B3GAT2: variants seen among roughly 807,000 people sequenced by gnomAD.
The protein encoded by B3GAT2 is galactosylgalactosylxylosylprotein 3-beta-glucuronosyltransferase 2.
B3GAT2 carries 26 observed loss-of-function variants against 27.8 expected under a neutral mutation model. The ratio of observed to expected loss-of-function variants is 0.93; its 90% CI spans 0.68 to 1.30. The LOEUF (loss-of-function observed/expected upper bound fraction) is 1.30. Ranked by LOEUF, B3GAT2 falls within the 50% of genes most tolerant of loss-of-function variation. B3GAT2 has a pLI of 0.00. For synonymous variants in B3GAT2, 218 were observed against 195.1 expected, an observed-to-expected ratio of 1.12 and a Z score of -0.98; for missense variants, 458 against 459.0, an observed-to-expected ratio of 1.00 and a Z score of 0.02.
intron 1 of B3GAT2, among the ~76,000 whole-genome samples, chr6:70,929,381 T>A (rs1205178099): frequency 1.3e-5 from 2 of 152,134 alleles, no homozygotes; most frequent in Non-Finnish European, 2.9e-5. Flanking sequence ...ATAAAAGCTA[T>A]TCAATCACGA....
Position 70,956,512 on chromosome 6 carries a change from C to T in B3GAT2, c.-83G>A. 6.5e-7 allele frequency: 1 copy of T among 1,538,446 alleles called. No homozygotes were observed. ...GTGCGCAGCTTGGACAGCGGCGGCG[C>T]CAGCACTTAGGGAGTGGTGATGGGT... On this transcript the variant is annotated 5_prime_UTR_variant, in exon 1 of 4. Coordinates refer to ENST00000230053, the MANE Select transcript of B3GAT2 (RefSeq NM_080742.3).
chr6:70,860,424 T>TTTTTC lies in B3GAT2; in HGVS notation c.*1234_*1238dup, dbSNP rs1771666599. The TTTTTC allele has an allele frequency of 4.8e-6, 7 of 1,468,944 alleles. No individual in the cohort carries two copies. The highest frequency in any genetic ancestry group is 6.4e-6 in the Non-Finnish European group (7 of 1,095,814). 91.0% of individuals were successfully genotyped at this position (1,468,944 alleles called of 1,614,324 possible). On this transcript the variant is annotated 3_prime_UTR_variant, in exon 4 of 4. Coordinates refer to ENST00000230053, the MANE Select transcript of B3GAT2 (RefSeq NM_080742.3). The stretch of plus-strand genomic sequence containing the variant: ...CCCCTGTTTATTCATATGCATATTT[T>TTTTTC]TTTTCTTTTTACCCATTTGTTCATA...
At chr6:70,924,355 C>T (rs958125779) in intron 1 of B3GAT2, among the ~76,000 whole-genome samples, 2 of 152,054 alleles carry the variant, frequency 1.3e-5, no homozygotes, top group African/African-American at 4.8e-5. Context: ...TCTACAGAGT[C>T]AATGCAATCT....
At chr6:70,891,119 T>C (rs888273480) in intron 2 of B3GAT2, among the ~76,000 whole-genome samples, 1 of 152,178 alleles carries the variant, frequency 6.6e-6, no homozygotes, top group Admixed American at 6.5e-5. Context: ...GTGGACTTCC[T>C]CACTTTTAGC....
chr6:70,940,330 G>C (rs1472072095), intron 1 of B3GAT2, among the ~76,000 whole-genome samples: 3 of 152,134 alleles, frequency 2.0e-5, no homozygotes, highest in Non-Finnish European at 4.4e-5. Context: ...AGCCCAGCAA[G>C]GGGCTCAGTG....
At chr6:70,906,820 T>C (rs190682617) in intron 1 of B3GAT2, among the ~76,000 whole-genome samples, 1 of 152,136 alleles carries the variant, frequency 6.6e-6, no homozygotes, top group Non-Finnish European at 1.5e-5. Flanking sequence ...CATCTAATAC[T>C]GCTTGAAAAA....
intron 1 of B3GAT2, among the ~76,000 whole-genome samples, chr6:70,895,985 A>G (rs543403791): frequency 6.6e-6 from 1 of 152,056 alleles, no homozygotes; most frequent in East Asian, 1.9e-4. Flanking sequence ...AACATTTCCT[A>G]CCCTTATAAG....
At chr6:70,891,467 C>A (rs1286649476) in intron 2 of B3GAT2, among the ~76,000 whole-genome samples, 1 of 152,084 alleles carries the variant, frequency 6.6e-6, no homozygotes, top group Non-Finnish European at 1.5e-5. Context: ...TTCAACATGG[C>A]AATAAAATGA....
intron 1 of B3GAT2, among the ~76,000 whole-genome samples, chr6:70,951,620 T>G (rs1225053083): frequency 2.0e-5 from 3 of 152,156 alleles, no homozygotes; most frequent in African/African-American, 7.2e-5. Flanking sequence ...CATTAAAATA[T>G]CAACATCCAA....
chr6:70,883,109 C>T (rs1254884085), intron 2 of B3GAT2, among the ~76,000 whole-genome samples: 1 of 152,138 alleles, frequency 6.6e-6, no homozygotes, highest in Non-Finnish European at 1.5e-5. Flanking sequence ...GAATCTGGAA[C>T]CTTCCTGCAT....
intron 2 of B3GAT2, among the ~76,000 whole-genome samples, chr6:70,877,700 C>T (rs940260180): frequency 1.3e-5 from 2 of 152,194 alleles, no homozygotes; most frequent in Non-Finnish European, 2.9e-5. Flanking sequence ...CTGCTCAAGG[C>T]ACCTGCCTGT....
At chr6:70,944,284 C>T (rs1228332390) in intron 1 of B3GAT2, among the ~76,000 whole-genome samples, 2 of 152,082 alleles carry the variant, frequency 1.3e-5, no homozygotes, top group East Asian at 1.9e-4. Flanking sequence ...TTGCCTCACT[C>T]GGGAAGCGCA....
chr6:70,860,396 GT>G lies in B3GAT2; in HGVS notation c.*1266del. ...GACATTCCTTGCTGAAACGCATCTA[GT>G]TCCCCTGTTTATTCATATGCATATT... On this transcript the variant is annotated 3_prime_UTR_variant, in exon 4 of 4. Transcript: ENST00000230053. The G allele has an allele frequency of 6.5e-7, 1 of 1,548,698 alleles. No individual in the cohort carries two copies. Among genetic ancestry groups the G allele is most frequent in the South Asian group, 1.3e-5 (1 of 79,524 alleles).
intron 2 of B3GAT2, among the ~76,000 whole-genome samples, chr6:70,892,016 T>C (rs540377554): frequency 1.3e-5 from 2 of 152,310 alleles, no homozygotes; most frequent in South Asian, 4.1e-4. Flanking sequence ...AAAGCTAAGA[T>C]GCAAAGCAAG....
intron 1 of B3GAT2, among the ~76,000 whole-genome samples, chr6:70,900,815 T>C (rs1208514906): frequency 6.6e-6 from 1 of 152,208 alleles, no homozygotes; most frequent in Non-Finnish European, 1.5e-5. Flanking sequence ...TCTTGTTTTA[T>C]TTTTTCCAAA....
At chr6:70,868,104 A>G (rs769670629) in intron 2 of B3GAT2, among the ~76,000 whole-genome samples, 6 of 152,200 alleles carry the variant, frequency 3.9e-5, no homozygotes, top group Non-Finnish European at 4.4e-5. Flanking sequence ...TCTAGTCATA[A>G]TGAAAAGAAG....
chr6:70,935,344 C>T (rs1773127227), intron 1 of B3GAT2, among the ~76,000 whole-genome samples: 1 of 152,048 alleles, frequency 6.6e-6, no homozygotes, highest in Non-Finnish European at 1.5e-5. Context: ...GTCCCAGCTA[C>T]TCAGGAGGGT....
intron 1 of B3GAT2, among the ~76,000 whole-genome samples, chr6:70,953,722 T>C (rs544162048): frequency 3.0e-4 from 45 of 152,358 alleles, no homozygotes; most frequent in African/African-American, 1.0e-3. Context: ...TTTTATTTTA[T>C]TGCATTACTT....
intron 2 of B3GAT2, among the ~76,000 whole-genome samples, chr6:70,887,455 G>A (rs1772206503): frequency 6.6e-6 from 1 of 152,090 alleles, no homozygotes; most frequent in South Asian, 2.1e-4. Flanking sequence ...TTTTTTAAAG[G>A]TTTGCCTGGT....
Sources: gnomAD v4.1 joint callset for allele counts (sites outside exome capture counted in the v4.1 genomes callset) on GRCh38, gnomAD v4.1.1 for gene constraint, MANE v1.5 for transcripts, NCBI Gene and HGNC (gene_info 2026-07-23, HGNC 2026-07-21) for gene names.